Variants in TNNI1 observed in about 807,000 individuals in gnomAD.
TNNI1 encodes troponin I1, slow skeletal type, also known as troponin I, slow skeletal muscle.
In TNNI1, 14 loss-of-function variants were observed where a neutral mutation model predicts 26.7. The ratio of observed to expected loss-of-function variants is 0.52; its 90% CI spans 0.35 to 0.82. The LOEUF (loss-of-function observed/expected upper bound fraction) is 0.82. TNNI1 is among the 40% of genes least tolerant of loss of function. The pLI is 0.01. For missense variants in TNNI1, 164 were observed against 257.0 expected (o/e 0.64, Z 2.47); for synonymous variants, 79 against 98.2 (o/e 0.80, Z 1.16).
rs1662641212 is a variant in TNNI1, at chr1:201,411,825, T to C, written c.280-292A>G. Among the ~76,000 whole-genome samples, 1 of 152,188 alleles carries C rather than the reference T, an allele frequency of 6.6e-6. No homozygotes were observed. Among genetic ancestry groups the C allele is most frequent in the South Asian group, 2.1e-4 (1 of 4,828 alleles). ...GAGCGTGCAACCTAGATCCCTCACA[T>C]GCACAGTTCACAATAGGGTTCACAC... On this transcript the variant is annotated intron_variant, in intron 6 of 8. Transcript: ENST00000361379. The surrounding 1 kb of genome is among the most constrained non-coding windows in gnomAD (Gnocchi z 4.6).
intron 1 of TNNI1, among the ~76,000 whole-genome samples, chr1:201,421,005 A>G (rs16848569): frequency 0.046 from 7,006 of 152,100 alleles, 536 homozygotes; most frequent in African/African-American, 0.16. Context: ...GCCTTCCTCC[A>G]AGAGGACCCC....
At position 201,408,959 on chromosome 1, in the gene TNNI1, C is replaced by A. The variant is rs1206645691; in HGVS notation, c.*294G>T. The A allele has an allele frequency of 6.6e-6, 1 of 152,188 alleles. No individual in the cohort carries two copies. The highest frequency in any genetic ancestry group is 1.5e-5 in the Non-Finnish European group (1 of 68,052). 9.4% of individuals were successfully genotyped at this position (152,188 alleles called of 1,614,324 possible). On this transcript the variant is annotated 3_prime_UTR_variant, in exon 9 of 9. Transcript: ENST00000361379. ...GGCACAGGGCTGGAGGAAAGGTGTT[C>A]TCACCCCCTCCTCCTCCTCCACTTG...
At chr1:201,416,585 C>T (rs1389545138) in intron 3 of TNNI1, among the ~76,000 whole-genome samples, 1 of 152,216 alleles carries the variant, frequency 6.6e-6, no homozygotes, top group East Asian at 1.9e-4. Flanking sequence ...GCTGTGATCT[C>T]AGTAGCCTGG....
chr1:201,421,578 C>T (rs1255839505), intron 1 of TNNI1, 95 bp downstream of exon 1: 1 of 152,220 alleles, frequency 6.6e-6, no homozygotes, highest in African/African-American at 2.4e-5. Context: ...ATGGTTTTCT[C>T]CAGCTCCAAG....
rs989451987 is a variant in TNNI1 at position 201,407,306 on chromosome 1, G to C, written c.*1947C>G. The C allele has an allele frequency of 7.2e-5, 11 of 152,340 alleles. No individual in the cohort carries two copies. Among genetic ancestry groups the C allele is most frequent in the African/African-American group, 2.2e-4 (9 of 41,470 alleles). The allele number at this position is 152,340 out of a possible 1,614,324, so 9.4% of individuals were successfully genotyped here. ...CAGGTTCTCCAACTTCGTGCATTGAGACTGGGTGTGTCCGTGCCTACGGGT... is the reference window on the plus strand; with the variant it reads ...CAGGTTCTCCAACTTCGTGCATTGACACTGGGTGTGTCCGTGCCTACGGGT... On this transcript the variant is annotated 3_prime_UTR_variant, in exon 9 of 9. Coordinates refer to ENST00000361379, the MANE Select transcript of TNNI1 (RefSeq NM_003281.4).
chr1:201,412,533 T>A (rs3850626), intron 6 of TNNI1, among the ~76,000 whole-genome samples: 89,176 of 151,994 alleles, frequency 0.59, 26,353 homozygotes, highest in Admixed American at 0.65. Context: ...CCACACCCCA[T>A]GCTAAGGGAG....
chr1:201,419,337 C>G (rs1047837942), intron 1 of TNNI1, among the ~76,000 whole-genome samples: 2 of 152,152 alleles, frequency 1.3e-5, no homozygotes, highest in Admixed American at 1.3e-4. Context: ...CTTGCCTGGG[C>G]CTGGACACAG....
At position 201,408,876 on chromosome 1, in the gene TNNI1, G is replaced by A. The variant is rs930848571; in HGVS notation, c.*377C>T. Reference sequence around the variant, plus strand: ...AGCTGCAGAAATGACCAGGAAACTGGGTTTTTAATGAAGAAGGTGTGATGC... The same window carrying A: ...AGCTGCAGAAATGACCAGGAAACTGAGTTTTTAATGAAGAAGGTGTGATGC... On this transcript the variant is annotated 3_prime_UTR_variant, in exon 9 of 9. Transcript: ENST00000361379. 1.3e-5 allele frequency: 2 copies of A among 152,274 alleles called. No homozygotes were observed. Among genetic ancestry groups the A allele is most frequent in the Non-Finnish European group, 2.9e-5 (2 of 68,114 alleles). 9.4% of individuals were successfully genotyped at this position (152,274 alleles called of 1,614,324 possible).
In TNNI1 at chr1:201,407,685, C is replaced by T. The variant is rs1662545319; in HGVS notation, c.*1568G>A. 2 of 152,204 alleles carry T rather than the reference C, an allele frequency of 1.3e-5. No individual in the cohort carries two copies. The highest frequency in any genetic ancestry group is 1.5e-5 in the Non-Finnish European group (1 of 68,076). 9.4% of individuals were successfully genotyped at this position (152,204 alleles called of 1,614,324 possible). A position where few individuals can be genotyped will look rare whatever the true frequency, so the allele number is the denominator to read the frequency against. On this transcript the variant is annotated 3_prime_UTR_variant, in exon 9 of 9. Coordinates refer to ENST00000361379, the MANE Select transcript of TNNI1 (RefSeq NM_003281.4). ...AGGGTGGTCGAAAAGCCAAGGGACC[C>T]CAGGTCTGGGAACAGCCACTTCCCT...
chr1:201,404,152 G>T lies in TNNI1; in HGVS notation c.*5101C>A, dbSNP rs946479904. 6.6e-6 allele frequency: 1 copy of T among 152,056 alleles called. No homozygotes were observed. The highest frequency in any genetic ancestry group is 2.1e-4 in the South Asian group (1 of 4,818). The allele number at this position is 152,056 out of a possible 1,614,324, so 9.4% of individuals were successfully genotyped here. On this transcript the variant is annotated 3_prime_UTR_variant, in exon 9 of 9. Transcript: ENST00000361379. Reference sequence around the variant, plus strand: ...GGTTGGGCAAGGGGTCATCTCTCTCGTCCCCTCCCTCGAGGTTCTGAGGAG... The same window carrying T: ...GGTTGGGCAAGGGGTCATCTCTCTCTTCCCCTCCCTCGAGGTTCTGAGGAG...
chr1:201,418,788 T>A (rs1662800476), intron 1 of TNNI1, among the ~76,000 whole-genome samples: 1 of 152,206 alleles, frequency 6.6e-6, no homozygotes, highest in African/African-American at 2.4e-5. Context: ...GGGTTGGTTT[T>A]CCTCTCTGCA....
At chr1:201,420,496 C>T (rs1662834727) in intron 1 of TNNI1, among the ~76,000 whole-genome samples, 1 of 152,136 alleles carries the variant, frequency 6.6e-6, no homozygotes. Context: ...TTCCTTGAGG[C>T]TTTGCAGCGT....
chr1:201,410,558 G>A, intron 7 of TNNI1, 123 bp from the exon 8 acceptor site: 1 of 809,898 alleles, frequency 1.2e-6, no homozygotes, highest in Non-Finnish European at 2.0e-6. Flanking sequence ...CCCCTCCCCA[G>A]CTGGTAAGGT....
rs1662542343 is a variant in TNNI1, at chr1:201,407,534, C to A, written c.*1719G>T. The A allele has an allele frequency of 6.6e-6, 1 of 152,238 alleles. No individual in the cohort carries two copies. The highest frequency in any genetic ancestry group is 2.4e-5 in the African/African-American group (1 of 41,450). The allele number at this position is 152,238 out of a possible 1,614,324, so 9.4% of individuals were successfully genotyped here. A position where few individuals can be genotyped will look rare whatever the true frequency, so the allele number is the denominator to read the frequency against. On this transcript the variant is annotated 3_prime_UTR_variant, in exon 9 of 9. Coordinates refer to ENST00000361379, the MANE Select transcript of TNNI1 (RefSeq NM_003281.4). ...ATGCCCTGGGGAGCAGCTGGCACTG[C>A]ACTTTGTACCAATTTCTGGCACTTA...
rs1474074627 is a variant in TNNI1, at chr1:201,406,391, T to C, written c.*2862A>G. ...AAGAGTATGGATTCTAACAGACTTC[T>C]TGGGTTGAATCCTGGGACCACCACT... On this transcript the variant is annotated 3_prime_UTR_variant, in exon 9 of 9. Transcript: ENST00000361379. 2 of 152,232 alleles carry C rather than the reference T, an allele frequency of 1.3e-5. No homozygotes were observed. The highest frequency in any genetic ancestry group is 4.8e-5 in the African/African-American group (2 of 41,462). The allele number at this position is 152,232 out of a possible 1,614,324, so 9.4% of individuals were successfully genotyped here. A position where few individuals can be genotyped will look rare whatever the true frequency, so the allele number is the denominator to read the frequency against.
At chr1:201,421,581 G>T (rs898618436) in intron 1 of TNNI1, 92 bp downstream of exon 1, 2 of 152,166 alleles carry the variant, frequency 1.3e-5, no homozygotes, top group Non-Finnish European at 2.9e-5. Flanking sequence ...GTTTTCTCCA[G>T]CTCCAAGACC....
chr1:201,415,474 C>T (rs1662717635), intron 3 of TNNI1, among the ~76,000 whole-genome samples: 1 of 152,208 alleles, frequency 6.6e-6, no homozygotes, highest in Admixed American at 6.5e-5. Flanking sequence ...GCCTTAACTT[C>T]CCACTCTGAT....
chr1:201,413,222 G>T, intron 5 of TNNI1, 101 bp from the exon 6 acceptor site: 1 of 1,313,108 alleles, frequency 7.6e-7, no homozygotes, highest in Non-Finnish European at 1.1e-6. Flanking sequence ...CAAGACCTGG[G>T]ATCCAGAGAG....
At chr1:201,415,002 G>A (rs1291497196) in intron 4 of TNNI1, among the ~76,000 whole-genome samples, 1 of 152,224 alleles carries the variant, frequency 6.6e-6, no homozygotes, top group Non-Finnish European at 1.5e-5. Context: ...GGGACCACAG[G>A]CGGATGCCAG....
Sources: gnomAD v4.1 joint callset for allele counts (sites outside exome capture counted in the v4.1 genomes callset) on GRCh38, gnomAD v4.1.1 for gene constraint, Gnocchi (gnomAD v3.1) non-coding constraint, MANE v1.5 for transcripts, NCBI Gene and HGNC (gene_info 2026-07-23, HGNC 2026-07-21) for gene names.